Variants in IL31RA observed in about 807,000 individuals in gnomAD.
IL31RA encodes the protein interleukin 31 receptor A, also known as interleukin-31 receptor subunit alpha.
IL31RA carries 66 observed loss-of-function variants against 83.7 expected under a neutral mutation model. The observed-to-expected ratio is 0.79, with a 90% CI of 0.65 to 0.97. The LOEUF (loss-of-function observed/expected upper bound fraction) is 0.97, where lower values mean the gene tolerates loss of function less well. Ranked by LOEUF, IL31RA falls within the 50% of genes least tolerant of loss-of-function variation. The pLI is 0.00. For missense variants in IL31RA, 798 were observed against 919.4 expected (o/e 0.87, Z 1.71); for synonymous variants, 325 against 329.0 (o/e 0.99, Z 0.13).
rs750697978 is a variant in IL31RA at position 55,922,447 on chromosome 5, G to A, written c.*5327G>A. On this transcript the variant is annotated 3_prime_UTR_variant, in exon 15 of 15. Transcript: ENST00000652347. ...CTTCAATATAAGTGTGGACTAAAATGCGAGAAAGGTGTCCTGTGGTCTATG... is the reference window on the plus strand; with the variant it reads ...CTTCAATATAAGTGTGGACTAAAATACGAGAAAGGTGTCCTGTGGTCTATG... 13 of 1,548,888 alleles carry A rather than the reference G, an allele frequency of 8.4e-6. No individual in the cohort carries two copies. The East Asian group carries it at 3.2e-4, about 38-fold the overall frequency.
In IL31RA at chr5:55,851,433, C is replaced by T. The variant is rs578049791; in HGVS notation, c.-138C>T. The T allele has an allele frequency of 2.0e-6, 3 of 1,530,604 alleles. No homozygotes were observed. In the South Asian group the frequency reaches 3.5e-5, roughly 18 times the overall value. 94.8% of individuals were successfully genotyped at this position (1,530,604 alleles called of 1,614,324 possible). ...GGGGGCATTCGAAACAGCAAAATCA[C>T]TCATAAAAGGCAAAAAATTGCAAAA... On this transcript the variant is annotated 5_prime_UTR_variant, in exon 1 of 15. Coordinates refer to ENST00000652347, the MANE Select transcript of IL31RA (RefSeq NM_139017.7).
At chr5:55,886,600 G>C (rs1747632932) in intron 5 of IL31RA, among the ~76,000 whole-genome samples, 1 of 152,094 alleles carries the variant, frequency 6.6e-6, no homozygotes, top group East Asian at 1.9e-4. Context: ...AATACAAGCA[G>C]TTATCCTCAG....
At chr5:55,848,271 T>A (rs1323067856), upstream of IL31RA, among the ~76,000 whole-genome samples, 1 of 152,200 alleles carries the variant, frequency 6.6e-6, no homozygotes, top group Non-Finnish European at 1.5e-5. Context: ...ATAAGGAAAA[T>A]TAGTCTCTTC....
intron 6 of IL31RA, among the ~76,000 whole-genome samples, chr5:55,891,424 A>G (rs1747984431): frequency 6.6e-6 from 1 of 152,232 alleles, no homozygotes; most frequent in Admixed American, 6.5e-5. Context: ...TCACTGGGCT[A>G]AAGTCAAGAT....
At chr5:55,841,130 A>G in the IL31RA span, among the ~76,000 whole-genome samples, 1 of 152,130 alleles carries the variant, frequency 6.6e-6, no homozygotes, top group East Asian at 1.9e-4. Context: ...ACCATTTGAC[A>G]CTCTGTCTTT....
chr5:55,854,888 C>G (rs1745266349), intron 1 of IL31RA, among the ~76,000 whole-genome samples: 1 of 152,050 alleles, frequency 6.6e-6, no homozygotes, highest in Non-Finnish European at 1.5e-5. Flanking sequence ...GCTTGTAAAT[C>G]TAAGGCCATT....
At chr5:55,912,441 A>G (rs1325030044) in intron 12 of IL31RA, among the ~76,000 whole-genome samples, 1 of 152,160 alleles carries the variant, frequency 6.6e-6, no homozygotes, top group Admixed American at 6.5e-5. Flanking sequence ...ATGGTTTTGC[A>G]TGGCTGGATC....
At position 55,917,433 on chromosome 5, in the gene IL31RA, G is replaced by C; in HGVS notation, c.*313G>C. 1.2e-6 allele frequency: 1 copy of C among 821,940 alleles called. No homozygotes were observed. The highest frequency in any genetic ancestry group is 1.6e-6 in the Non-Finnish European group (1 of 608,050). 50.9% of individuals were successfully genotyped at this position (821,940 alleles called of 1,614,324 possible). A position where few individuals can be genotyped will look rare whatever the true frequency, so the allele number is the denominator to read the frequency against. ...AAGGGCCCAGGTTCTGAGCCCAAAG[G>C]ACCCCCAGGGTGGACATATCTGGCC... On this transcript the variant is annotated 3_prime_UTR_variant, in exon 15 of 15. Transcript: ENST00000652347.
chr5:55,906,377 C>G (rs770443232), intron 9 of IL31RA, 89 bp downstream of exon 9: 3 of 1,234,042 alleles, frequency 2.4e-6, no homozygotes, highest in Non-Finnish European at 3.5e-6. Context: ...GGCTTCAAAG[C>G]TGTTAGTGTG....
At chr5:55,866,363 G>T (rs1746044816) in intron 2 of IL31RA, among the ~76,000 whole-genome samples, 1 of 152,038 alleles carries the variant, frequency 6.6e-6, no homozygotes, top group African/African-American at 2.4e-5. Context: ...TCCATGGACA[G>T]GGGGTGGGGT....
At chr5:55,881,295 C>T (rs1333719647) in intron 4 of IL31RA, among the ~76,000 whole-genome samples, 6 of 105,612 alleles carry the variant, frequency 5.7e-5, no homozygotes, top group East Asian at 2.2e-4. Flanking sequence ...GAGCAAGGCT[C>T]CATCTCAAAA....
intron 5 of IL31RA, among the ~76,000 whole-genome samples, chr5:55,886,674 A>T (rs933513125): frequency 3.0e-4 from 46 of 152,304 alleles, no homozygotes; most frequent in African/African-American, 9.6e-4. Flanking sequence ...TCCATTGTTG[A>T]TGGAAAAGGG....
chr5:55,883,327 T>G, intron 5 of IL31RA, 132 bp downstream of exon 5: 1 of 864,036 alleles, frequency 1.2e-6, no homozygotes. Context: ...GCTAAGTACT[T>G]CTCCTTCCAG....
At position 55,906,268 on chromosome 5, in the gene IL31RA, C is replaced by T. The variant is rs747532999; in HGVS notation, c.1232C>T (p.Thr411Met). 120 of 1,613,946 alleles carry T rather than the reference C, an allele frequency of 7.4e-5. No homozygotes were observed. The highest frequency in any genetic ancestry group is 9.6e-5 in the Non-Finnish European group (113 of 1,180,024). The change falls in exon 9 of 15, where the codon ACG becomes ATG. Residue 411 changes from threonine to methionine, a missense_variant. Physicochemically the swap from Thr to Met is moderately conservative, Grantham distance 81 (BLOSUM62 -1). Transcript: ENST00000652347. The part of the protein sequence containing the change: ...TLSWESVSQA[T>M]NWTIQQDKLK... ...TCCTGGGAATCTGTGTCTCAGGCCACGAACTGGACGATCCAGCAAGGTAGC... is the reference window on the plus strand; with the variant it reads ...TCCTGGGAATCTGTGTCTCAGGCCATGAACTGGACGATCCAGCAAGGTAGC...
At position 55,918,866 on chromosome 5, in the gene IL31RA, A is replaced by G. The variant is rs867386662; in HGVS notation, c.*1746A>G. Among the ~76,000 whole-genome samples, 3 of 152,144 alleles carry G rather than the reference A, an allele frequency of 2.0e-5. No homozygotes were observed. The highest frequency in any genetic ancestry group is 4.8e-5 in the African/African-American group (2 of 41,408). On this transcript the variant is annotated 3_prime_UTR_variant, in exon 15 of 15. Transcript: ENST00000652347. The stretch of plus-strand genomic sequence containing the variant: ...ACAGTGACTTCTGGTACACCAAGGA[A>G]TGAGGGAGGCCCGAGGCAGGGCACT...
intron 5 of IL31RA, among the ~76,000 whole-genome samples, chr5:55,887,671 G>T (rs1268806300): frequency 6.6e-6 from 1 of 152,182 alleles, no homozygotes; most frequent in Non-Finnish European, 1.5e-5. Flanking sequence ...TGGATCACAA[G>T]GTTAGGAGAT....
chr5:55,844,220 C>A, the IL31RA span, among the ~76,000 whole-genome samples: 1 of 152,056 alleles, frequency 6.6e-6, no homozygotes, highest in African/African-American at 2.4e-5. Context: ...AAACCCCCAC[C>A]AACCTAGAAT....
At chr5:55,905,473 A>C (rs1418012459) in intron 8 of IL31RA, among the ~76,000 whole-genome samples, 2 of 152,222 alleles carry the variant, frequency 1.3e-5, no homozygotes, top group Admixed American at 6.5e-5. Context: ...CACACACTCA[A>C]CTTTTCTATT....
At position 55,900,029 on chromosome 5, in the gene IL31RA, AC is replaced by A. The variant is rs1360876789; in HGVS notation, c.967del (p.Leu323CysfsTer12). 1 of 1,614,008 alleles carries A rather than the reference AC, an allele frequency of 6.2e-7. No homozygotes were observed. Among genetic ancestry groups the A allele is most frequent in the Non-Finnish European group, 8.5e-7 (1 of 1,179,970 alleles). On this transcript the variant is annotated frameshift_variant, in exon 8 of 15. Transcript: ENST00000652347. LOFTEE classifies it high-confidence loss of function. ...TMNTTNQQLE[L>X]HLGGESFWVS... is the part of the protein sequence containing the mutation. ...TGAACACTACTAACCAGCAGCTTGA[AC>A]TGCATCTGGGAGGCGAGAGCTTTTG... is the stretch of plus-strand genomic sequence containing the variant.
Sources: allele counts gnomAD v4.1 joint callset (sites outside exome capture counted in the v4.1 genomes callset), GRCh38; gene constraint gnomAD v4.1.1; transcripts MANE v1.5; gene names NCBI Gene and HGNC (gene_info 2026-07-23, HGNC 2026-07-21).